The following ATP8A2 variants were observed in gnomAD, a reference collection of about 807,000 sequenced individuals.
ATP8A2 encodes ATPase phospholipid transporting 8A2.
ATP8A2 carries 100 observed loss-of-function variants against 165.6 expected under a neutral mutation model. That is an observed-to-expected ratio of 0.60 (90% CI 0.51 to 0.71). The LOEUF (loss-of-function observed/expected upper bound fraction) is 0.71, where lower values mean the gene tolerates loss of function less well. ATP8A2 is among the 30% of genes least tolerant of loss of function. The pLI is 0.00. For missense variants in ATP8A2, 1,227 were observed against 1,479.5 expected, an observed-to-expected ratio of 0.83 and a Z score of 2.80; for synonymous variants, 543 against 548.8, an observed-to-expected ratio of 0.99 and a Z score of 0.15.
At chr13:25,539,279 T>G (rs956746825) in intron 7 of ATP8A2, among the ~76,000 whole-genome samples, 6 of 152,036 alleles carry the variant, frequency 3.9e-5, no homozygotes, top group African/African-American at 1.4e-4. Flanking sequence ...AAAAATTTTT[T>G]TGTAGAGGCT....
At position 25,837,249 on chromosome 13, in the gene ATP8A2, C is replaced by T. The variant is rs1338708638; in HGVS notation, c.2841C>T (p.Tyr947=). 10 of 1,613,976 alleles carry T rather than the reference C, an allele frequency of 6.2e-6. No individual in the cohort carries two copies. The highest frequency in any genetic ancestry group is 3.3e-5 in the Admixed American group (2 of 59,982). ...QESMLRFPQL[Y]KITQNGEGFN... ...GCATGCTCAGGTTTCCCCAGCTCTA[C>T]AAAATCACCCAGAATGGCGAAGGCT... The change falls in exon 29 of 37, where the codon TAC becomes TAT. Residue 947 remains tyrosine, a synonymous_variant. Transcript: ENST00000381655.
chr13:25,560,098 G>T (rs1420066872), intron 15 of ATP8A2, among the ~76,000 whole-genome samples: 1 of 152,186 alleles, frequency 6.6e-6, no homozygotes, highest in African/African-American at 2.4e-5. Context: ...AATGTGCTGG[G>T]ATTACAGGTG....
chr13:25,942,430 CT>C (rs370437847), intron 33 of ATP8A2, among the ~76,000 whole-genome samples: 4 of 151,396 alleles, frequency 2.6e-5, no homozygotes, highest in African/African-American at 7.3e-5. Flanking sequence ...TATCGATTTT[CT>C]TTTTTTTTGA....
chr13:25,645,452 A>G (rs1343876126), intron 24 of ATP8A2, among the ~76,000 whole-genome samples: 1 of 152,168 alleles, frequency 6.6e-6, no homozygotes, highest in African/African-American at 2.4e-5. Flanking sequence ...CCTTTCACTC[A>G]TAGTGAGCTT....
chr13:25,589,998 T>G (rs1182822257), intron 24 of ATP8A2, among the ~76,000 whole-genome samples: 1 of 152,234 alleles, frequency 6.6e-6, no homozygotes, highest in African/African-American at 2.4e-5. Context: ...GAAATATTAG[T>G]GGAACCTATT....
At chr13:25,726,663 A>G (rs527822725) in intron 25 of ATP8A2, among the ~76,000 whole-genome samples, 1 of 152,222 alleles carries the variant, frequency 6.6e-6, no homozygotes, top group East Asian at 1.9e-4. Flanking sequence ...ATCTCAGATC[A>G]TCTCCCCACT....
intron 27 of ATP8A2, among the ~76,000 whole-genome samples, chr13:25,819,559 A>T (rs1305029573): frequency 6.6e-6 from 1 of 151,212 alleles, no homozygotes; most frequent in African/African-American, 2.4e-5. Flanking sequence ...GCATTGTTTC[A>T]TTTCCATATT....
At chr13:25,766,083 C>T (rs908327925) in intron 25 of ATP8A2, among the ~76,000 whole-genome samples, 10 of 152,276 alleles carry the variant, frequency 6.6e-5, no homozygotes, top group South Asian at 2.1e-4. Flanking sequence ...TCCTGTTTTA[C>T]GCTCTCTTGT....
intron 27 of ATP8A2, among the ~76,000 whole-genome samples, chr13:25,801,797 C>T (rs1416205757): frequency 6.6e-6 from 1 of 152,150 alleles, no homozygotes; most frequent in Non-Finnish European, 1.5e-5. Context: ...TTAATTGACT[C>T]ATAGTTCTGC....
chr13:25,847,124 A>G (rs1226506953), intron 30 of ATP8A2, among the ~76,000 whole-genome samples: 1 of 152,200 alleles, frequency 6.6e-6, no homozygotes. Flanking sequence ...TGCAGGGAGG[A>G]CAGAGTGTGG....
intron 6 of ATP8A2, among the ~76,000 whole-genome samples, chr13:25,536,706 A>G (rs1180982806): frequency 6.6e-6 from 1 of 152,226 alleles, no homozygotes; most frequent in Non-Finnish European, 1.5e-5. Context: ...GAAAGCATAA[A>G]TGCCCACTTT....
At chr13:25,837,332 T>A in intron 29 of ATP8A2, 47 bp downstream of exon 29, 1 of 1,605,298 alleles carries the variant, frequency 6.2e-7, no homozygotes, top group African/African-American at 1.3e-5. Context: ...AAGGCGTGGC[T>A]GTTTGATTCT....
chr13:25,577,164 T>A (rs552870784), intron 20 of ATP8A2, 26 bp downstream of exon 20: 1 of 1,601,474 alleles, frequency 6.2e-7, no homozygotes, highest in Non-Finnish European at 8.6e-7. Context: ...GCGTTGTGCG[T>A]AGCGGAGTTC....
intron 27 of ATP8A2, among the ~76,000 whole-genome samples, chr13:25,780,472 A>T (rs1299329097): frequency 1.3e-5 from 2 of 152,228 alleles, no homozygotes; most frequent in African/African-American, 4.8e-5. Flanking sequence ...TATCACTGAA[A>T]TAGAAATAGA....
intron 24 of ATP8A2, among the ~76,000 whole-genome samples, chr13:25,645,164 C>G (rs1408846299): frequency 6.6e-6 from 1 of 152,112 alleles, no homozygotes. Context: ...GGGGAGGCCT[C>G]AGAATCATTG....
chr13:25,882,112 C>T (rs763874318), intron 33 of ATP8A2, among the ~76,000 whole-genome samples: 3 of 152,098 alleles, frequency 2.0e-5, no homozygotes, highest in Non-Finnish European at 4.4e-5. Context: ...CTCTGTTTCC[C>T]GCAGGGCTCA....
intron 6 of ATP8A2, among the ~76,000 whole-genome samples, chr13:25,533,816 G>A (rs374766171): frequency 6.6e-6 from 1 of 152,150 alleles, no homozygotes; most frequent in East Asian, 1.9e-4. Flanking sequence ...GTTGAAGAAT[G>A]GTGTGGTTTT....
At chr13:25,676,699 A>G (rs555891154) in intron 24 of ATP8A2, among the ~76,000 whole-genome samples, 1 of 152,308 alleles carries the variant, frequency 6.6e-6, no homozygotes, top group Admixed American at 6.5e-5. Context: ...AAATTTTTAT[A>G]TATTCCTTCT....
chr13:25,800,603 T>C (rs1440133775), intron 27 of ATP8A2, among the ~76,000 whole-genome samples: 5 of 152,158 alleles, frequency 3.3e-5, no homozygotes, highest in African/African-American at 1.2e-4. Flanking sequence ...GCCTAAAAAT[T>C]CATCCATAGG....
Sources: gnomAD v4.1 joint callset for allele counts (sites outside exome capture counted in the v4.1 genomes callset) on GRCh38, gnomAD v4.1.1 for gene constraint, MANE v1.5 for transcripts, NCBI Gene and HGNC (gene_info 2026-07-23, HGNC 2026-07-21) for gene names.